The following TMOD2 variants were observed in gnomAD, a reference collection of about 807,000 sequenced individuals.
TMOD2 encodes the protein tropomodulin-2.
Under a neutral mutation model 39.9 loss-of-function variants are expected in TMOD2, and 22 were observed. The ratio of observed to expected loss-of-function variants is 0.55; its 90% CI spans 0.39 to 0.79. The LOEUF is 0.79. TMOD2 is among the 30% of genes least tolerant of loss of function. TMOD2 has a pLI of 0.00. For synonymous variants in TMOD2, 123 were observed against 146.1 expected (o/e 0.84, Z 1.14); for missense variants, 386 against 413.3 (o/e 0.93, Z 0.57).
chr15:51,795,241 T>C (rs1871704898), intron 7 of TMOD2, among the ~76,000 whole-genome samples: 1 of 152,016 alleles, frequency 6.6e-6, no homozygotes, highest in South Asian at 2.1e-4. Context: ...GCCAACATGG[T>C]GAAACCCCGT....
intron 1 of TMOD2, among the ~76,000 whole-genome samples, chr15:51,757,901 C>G (rs2055753695): frequency 6.6e-6 from 1 of 152,078 alleles, no homozygotes; most frequent in African/African-American, 2.4e-5. Context: ...CCTGTCTCTA[C>G]AAAAAATTTA....
chr15:51,802,688 C>G (rs1039805651), intron 8 of TMOD2, among the ~76,000 whole-genome samples: 1 of 152,218 alleles, frequency 6.6e-6, no homozygotes, highest in Non-Finnish European at 1.5e-5. Flanking sequence ...GATACGGTCC[C>G]ACTCTTCTAA....
rs1008278252 is a variant in TMOD2, at chr15:51,809,770, TC to T, written c.*1318del. 4.6e-5 allele frequency: 7 copies of T among 152,284 alleles called. No individual in the cohort carries two copies. The highest frequency in any genetic ancestry group is 1.7e-4 in the African/African-American group (7 of 41,554). The allele number at this position is 152,284 out of a possible 1,614,324, so 9.4% of individuals were successfully genotyped here. A position where few individuals can be genotyped will look rare whatever the true frequency, so the allele number is the denominator to read the frequency against. ...TTCTTCCAATTCATTGTCTTTTTTTTCCTCTTTTCTCTGTAATTTGTTACTA... is the reference window on the plus strand; with the variant it reads ...TTCTTCCAATTCATTGTCTTTTTTTTCTCTTTTCTCTGTAATTTGTTACTA... On this transcript the variant is annotated 3_prime_UTR_variant, in exon 10 of 10. Coordinates refer to ENST00000249700, the MANE Select transcript of TMOD2 (RefSeq NM_014548.4).
chr15:51,759,376 G>T (rs1025081242), intron 1 of TMOD2, among the ~76,000 whole-genome samples: 2 of 152,114 alleles, frequency 1.3e-5, no homozygotes, highest in Non-Finnish European at 2.9e-5. Context: ...CTAGGATGAA[G>T]ATACAGATTT....
chr15:51,766,014 A>G (rs377174110), intron 1 of TMOD2, among the ~76,000 whole-genome samples: 1 of 151,942 alleles, frequency 6.6e-6, no homozygotes, highest in Non-Finnish European at 1.5e-5. Flanking sequence ...GCAGAGTAGT[A>G]TAAGGGAAAA....
In TMOD2 at chr15:51,807,073, G is replaced by A. The variant is rs540171826; in HGVS notation, c.1021+552G>A. Among the ~76,000 whole-genome samples the A allele has an allele frequency of 2.0e-5, 3 of 152,340 alleles. No homozygotes were observed. The East Asian group carries it at 5.8e-4, about 29-fold the overall frequency. On this transcript the variant is annotated intron_variant, in intron 9 of 9. Coordinates refer to ENST00000249700, the MANE Select transcript of TMOD2 (RefSeq NM_014548.4). ...ATTTCTTCTGTTAGGATGAGGTGGG[G>A]CATGTCCTGATCAACCATAGCAAAG...
intron 7 of TMOD2, among the ~76,000 whole-genome samples, chr15:51,794,904 CTG>C (rs966359711): frequency 1.3e-4 from 20 of 152,040 alleles, no homozygotes; most frequent in African/African-American, 4.6e-4. Flanking sequence ...TAATTATATT[CTG>C]TGTTTGTATA....
intron 8 of TMOD2, among the ~76,000 whole-genome samples, chr15:51,800,498 T>A (rs868082571): frequency 2.6e-5 from 4 of 151,980 alleles, no homozygotes; most frequent in Non-Finnish European, 5.9e-5. Context: ...ATCATGCCAC[T>A]GCACTCCAGC....
intron 7 of TMOD2, among the ~76,000 whole-genome samples, chr15:51,791,462 A>T (rs947120801): frequency 6.6e-6 from 1 of 152,246 alleles, no homozygotes; most frequent in Non-Finnish European, 1.5e-5. Context: ...CACTATCCCC[A>T]TCCAGCTACT....
chr15:51,806,594 C>T, intron 9 of TMOD2, 73 bp downstream of exon 9: 1 of 1,550,324 alleles, frequency 6.5e-7, no homozygotes, highest in African/African-American at 1.4e-5. Flanking sequence ...TCAGACGCAG[C>T]ATCTCACAGA....
At position 51,808,718 on chromosome 15, in the gene TMOD2, T is replaced by G. The variant is rs924193397; in HGVS notation, c.*264T>G. ...TTTTAGAGAGTGACGACATGGAAAATGAATTTAACCACTTTCTTATTGGGT... is the reference window on the plus strand; with the variant it reads ...TTTTAGAGAGTGACGACATGGAAAAGGAATTTAACCACTTTCTTATTGGGT... On this transcript the variant is annotated 3_prime_UTR_variant, in exon 10 of 10. Coordinates refer to ENST00000249700, the MANE Select transcript of TMOD2 (RefSeq NM_014548.4). 1.2e-5 allele frequency: 4 copies of G among 334,602 alleles called. No homozygotes were observed. Among genetic ancestry groups the G allele is most frequent in the Middle Eastern group, 7.3e-4 (1 of 1,376 alleles). The allele number at this position is 334,602 out of a possible 1,614,324, so 20.7% of individuals were successfully genotyped here. A position where few individuals can be genotyped will look rare whatever the true frequency, so the allele number is the denominator to read the frequency against.
In TMOD2 at chr15:51,781,027, G is replaced by A. The variant is rs1441490210; in HGVS notation, c.494-17G>A. 1.9e-6 allele frequency: 3 copies of A among 1,570,176 alleles called. No homozygotes were observed. Among genetic ancestry groups the A allele is most frequent in the Non-Finnish European group, 1.7e-6 (2 of 1,162,646 alleles). ...GGAGAGACTTTGCATTTTTTAAAAT[G>A]AAAACTTGTGTTTTAGATGTTGTCA... is the stretch of plus-strand genomic sequence containing the variant. On this transcript the variant is annotated splice_polypyrimidine_tract_variant and intron_variant, in intron 5 of 9. Coordinates refer to ENST00000249700, the MANE Select transcript of TMOD2 (RefSeq NM_014548.4).
chr15:51,800,337 C>T (rs2056079213), intron 8 of TMOD2, among the ~76,000 whole-genome samples: 1 of 152,158 alleles, frequency 6.6e-6, no homozygotes, highest in Non-Finnish European at 1.5e-5. Context: ...GAATTTGAGA[C>T]CAGCCTGGCC....
At chr15:51,787,508 A>G (rs960498977) in intron 7 of TMOD2, among the ~76,000 whole-genome samples, 3 of 152,238 alleles carry the variant, frequency 2.0e-5, no homozygotes, top group African/African-American at 7.2e-5. Flanking sequence ...TGCTTCTCCC[A>G]GCATGGCGTT....
chr15:51,806,495 C>T lies in TMOD2; in HGVS notation c.995C>T (p.Ala332Val). 1 of 1,614,210 alleles carries T rather than the reference C, an allele frequency of 6.2e-7. No homozygotes were observed. Among genetic ancestry groups the T allele is most frequent in the Non-Finnish European group, 8.5e-7 (1 of 1,180,026 alleles). Reference sequence around the variant, plus strand: ...CAAGGGCCACGAACAAGGGTGGCAGCTGCCATCACAAAGAATAATGACCTG... The same window carrying T: ...CAAGGGCCACGAACAAGGGTGGCAGTTGCCATCACAAAGAATAATGACCTG... The part of the protein sequence containing the change: ...TKQGPRTRVA[A>V]AITKNNDLVR... The change falls in exon 9 of 10, where the codon GCT becomes GTT. Residue 332 changes from alanine to valine, a missense_variant. By Grantham distance (64) the Ala-to-Val change is moderately conservative. Coordinates refer to ENST00000249700, the MANE Select transcript of TMOD2 (RefSeq NM_014548.4).
chr15:51,776,974 A>AT lies in TMOD2; in HGVS notation c.450dup (p.Glu151Ter). 1 of 1,613,990 alleles carries AT rather than the reference A, an allele frequency of 6.2e-7. No individual in the cohort carries two copies. Among genetic ancestry groups the AT allele is most frequent in the Non-Finnish European group, 8.5e-7 (1 of 1,179,888 alleles). Reference sequence around the variant, plus strand: ...AATTTGCTCAACAATCCAAAGTTCGATGAAGAAACAGCCAACAATAAAGGT... The same window carrying AT: ...AATTTGCTCAACAATCCAAAGTTCGATTGAAGAAACAGCCAACAATAAAGGT... On this transcript the variant is annotated frameshift_variant, in exon 5 of 10. Coordinates refer to ENST00000249700, the MANE Select transcript of TMOD2 (RefSeq NM_014548.4). LOFTEE classifies it high-confidence loss of function.
chr15:51,798,161 C>T (rs754188776), intron 7 of TMOD2, 36 bp from the exon 8 acceptor site: 2 of 1,552,544 alleles, frequency 1.3e-6, no homozygotes, highest in East Asian at 2.3e-5. Context: ...GAAATTCTAA[C>T]TTAATTCTAA....
intron 1 of TMOD2, among the ~76,000 whole-genome samples, chr15:51,757,128 G>A (rs1435554027): frequency 6.6e-6 from 1 of 152,148 alleles, no homozygotes; most frequent in Admixed American, 6.6e-5. Context: ...AGGGCTGAGC[G>A]TGGTGGCTCA....
At chr15:51,777,192 C>A (rs893336473) in intron 5 of TMOD2, among the ~76,000 whole-genome samples, 174 bp downstream of exon 5, 1 of 152,066 alleles carries the variant, frequency 6.6e-6, no homozygotes, top group Non-Finnish European at 1.5e-5. Flanking sequence ...CTCCATCTGG[C>A]GGTGAAACTA....
Sources: allele counts gnomAD v4.1 joint callset (sites outside exome capture counted in the v4.1 genomes callset), GRCh38; gene constraint gnomAD v4.1.1; transcripts MANE v1.5; gene names NCBI Gene and HGNC (gene_info 2026-07-23, HGNC 2026-07-21).